Variants in OSBPL7 observed in about 807,000 individuals in gnomAD.
OSBPL7 encodes the protein oxysterol-binding protein-related protein 7.
OSBPL7 carries 66 observed loss-of-function variants against 115.8 expected under a neutral mutation model. The ratio of observed to expected loss-of-function variants is 0.57; its 90% CI spans 0.47 to 0.70. The LOEUF (loss-of-function observed/expected upper bound fraction) is 0.70, where lower values mean the gene tolerates loss of function less well. OSBPL7 is among the 30% of genes least tolerant of loss of function. The pLI, the probability that OSBPL7 is intolerant of heterozygous loss-of-function variation, is 0.00. For missense variants in OSBPL7, 902 were observed against 1,125.5 expected (o/e 0.80, Z 2.84); for synonymous variants, 441 against 439.2 (o/e 1.00, Z -0.05).
chr17:47,808,755 G>GC lies in OSBPL7; in HGVS notation c.2298-96dup. The GC allele has an allele frequency of 1.2e-6, 2 of 1,602,234 alleles. No individual in the cohort carries two copies. The highest frequency in any genetic ancestry group is 1.7e-6 in the Non-Finnish European group (2 of 1,172,622). On this transcript the variant is annotated intron_variant, in intron 21 of 22. Transcript: ENST00000007414. This position sits in a 1 kb window ranked among gnomAD's most constrained non-coding sequence, Gnocchi z 6.1. ...CTGCCCAACTCTGTCCTCTAGACAAGCCCCACTTCTCTGAGGCCACTCAGT... is the reference window on the plus strand; with the variant it reads ...CTGCCCAACTCTGTCCTCTAGACAAGCCCCCACTTCTCTGAGGCCACTCAGT...
In OSBPL7 at chr17:47,808,160, G is replaced by C; in HGVS notation, c.*131C>G. On this transcript the variant is annotated 3_prime_UTR_variant, in exon 23 of 23. Transcript: ENST00000007414. This position sits in a 1 kb window ranked among gnomAD's most constrained non-coding sequence, Gnocchi z 6.1. ...CAGACCCTCTGGCCAGCAGAGGGGA[G>C]GGAGGGCCAGGGCTGCCCCTTTGGT... is the stretch of plus-strand genomic sequence containing the variant. The C allele has an allele frequency of 1.5e-6, 1 of 676,498 alleles. No homozygotes were observed. The highest frequency in any genetic ancestry group is 2.5e-6 in the Non-Finnish European group (1 of 396,124). 41.9% of individuals were successfully genotyped at this position (676,498 alleles called of 1,614,324 possible).
intron 16 of OSBPL7, among the ~76,000 whole-genome samples, chr17:47,812,222 C>A (rs547956423): frequency 6.6e-6 from 1 of 152,196 alleles, no homozygotes; most frequent in Non-Finnish European, 1.5e-5. Context: ...GTCTCGGGAA[C>A]CTTCCTCACG....
At chr17:47,811,612 C>T (rs1170211104) in intron 16 of OSBPL7, among the ~76,000 whole-genome samples, 1 of 152,216 alleles carries the variant, frequency 6.6e-6, no homozygotes, top group African/African-American at 2.4e-5. Flanking sequence ...CCTCACCAAT[C>T]CTCCTCTGAG....
chr17:47,816,035 C>G lies in OSBPL7; in HGVS notation c.1119+72G>C. 4 of 1,397,830 alleles carry G rather than the reference C, an allele frequency of 2.9e-6. No homozygotes were observed. In the South Asian group the frequency reaches 5.5e-5, roughly 19 times the overall value. 86.6% of individuals were successfully genotyped at this position (1,397,830 alleles called of 1,614,324 possible). A position where few individuals can be genotyped will look rare whatever the true frequency, so the allele number is the denominator to read the frequency against. On this transcript the variant is annotated intron_variant, in intron 12 of 22. Transcript: ENST00000007414. This position sits in a 1 kb window ranked among gnomAD's most constrained non-coding sequence, Gnocchi z 5.8. ...ACTAAAAACCAACTTTGCCCACTGC[C>G]CTGGGCCTTGGCTTTCGCTGGGAGA...
intron 1 of OSBPL7, 103 bp downstream of exon 1, chr17:47,821,563 G>T (rs1267602053): frequency 6.6e-6 from 1 of 152,302 alleles, no homozygotes; most frequent in Non-Finnish European, 1.5e-5. Flanking sequence ...GGTGAGCCAG[G>T]TGGGTGCCCC....
intron 12 of OSBPL7, 164 bp downstream of exon 12, chr17:47,815,943 C>G (rs1271911905): frequency 5.1e-6 from 3 of 587,224 alleles, no homozygotes; most frequent in Non-Finnish European, 9.0e-6. Flanking sequence ...ACACAATGAT[C>G]GAGATGGGGC....
intron 18 of OSBPL7, 31 bp from the exon 19 acceptor site, chr17:47,809,509 G>C (rs1413016331): frequency 2.5e-6 from 4 of 1,595,402 alleles, no homozygotes; most frequent in Non-Finnish European, 3.4e-6. Flanking sequence ...AAGGGCAGCT[G>C]GCTGGCCCCA....
chr17:47,816,326 G>A lies in OSBPL7; in HGVS notation c.1023+62C>T. On this transcript the variant is annotated intron_variant, in intron 11 of 22. Coordinates refer to ENST00000007414, the MANE Select transcript of OSBPL7 (RefSeq NM_145798.3). This position sits in a 1 kb window ranked among gnomAD's most constrained non-coding sequence, Gnocchi z 5.8. ...ACCCAGATCTGCTATCGGACCCCAG[G>A]CTGGCAGTCCTCAGCTTGAAGCCCT... is the stretch of plus-strand genomic sequence containing the variant. The A allele has an allele frequency of 2.9e-5, 43 of 1,485,758 alleles. No individual in the cohort carries two copies. Among genetic ancestry groups the A allele is most frequent in the Non-Finnish European group, 3.9e-5 (43 of 1,110,714 alleles). 92.0% of individuals were successfully genotyped at this position (1,485,758 alleles called of 1,614,324 possible). A position where few individuals can be genotyped will look rare whatever the true frequency, so the allele number is the denominator to read the frequency against.
intron 4 of OSBPL7, 134 bp downstream of exon 4, chr17:47,819,595 C>T (rs531740508): frequency 6.6e-6 from 7 of 1,066,724 alleles, no homozygotes; most frequent in East Asian, 2.4e-5. Flanking sequence ...GTAACTTGCC[C>T]GAGATCACAC....
At chr17:47,821,335 A>T (rs2033388271) in intron 1 of OSBPL7, among the ~76,000 whole-genome samples, 1 of 152,186 alleles carries the variant, frequency 6.6e-6, no homozygotes, top group South Asian at 2.1e-4. Flanking sequence ...GGGGACAGGG[A>T]TGTGGCAGGA....
chr17:47,809,151 G>A lies in OSBPL7; in HGVS notation c.2095C>T (p.His699Tyr), dbSNP rs2143518198. 3 of 1,614,168 alleles carry A rather than the reference G, an allele frequency of 1.9e-6. No homozygotes were observed. The highest frequency in any genetic ancestry group is 4.5e-5 in the East Asian group (2 of 44,884). ...TCGTGCCACTTCCCAAAGAGTCGGTGGAGGACACGGCCACTCCGACTGAGC... is the reference window on the plus strand; with the variant it reads ...TCGTGCCACTTCCCAAAGAGTCGGTAGAGGACACGGCCACTCCGACTGAGC... ...AVLSRSGRVL[H>Y]RLFGKWHEGL... The change falls in exon 20 of 23, where the codon CAC becomes TAC. Residue 699 changes from histidine to tyrosine, a missense_variant. Physicochemically the swap from His to Tyr is moderately conservative, Grantham distance 83. Transcript: ENST00000007414.
At chr17:47,812,038 C>CCAAACAAA (rs80046179) in intron 16 of OSBPL7, among the ~76,000 whole-genome samples, 85 of 151,880 alleles carry the variant, frequency 5.6e-4, no homozygotes, top group Admixed American at 1.4e-3. Flanking sequence ...CACTTCAAAT[C>CCAAACAAA]CAAACAAACA....
At position 47,817,325 on chromosome 17, in the gene OSBPL7, T is replaced by C. The variant is rs1235119811; in HGVS notation, c.633A>G (p.Leu211=). 3.1e-6 allele frequency: 5 copies of C among 1,604,824 alleles called. No homozygotes were observed. The South Asian group carries it at 5.6e-5, about 18-fold the overall frequency. Residue 211 remains leucine (L), a synonymous_variant, in exon 8 of 23, where the codon CTA becomes CTG. Coordinates refer to ENST00000007414, the MANE Select transcript of OSBPL7 (RefSeq NM_145798.3). ...ACTCCAGGCTCTGGAGGAGCCTGTGTAGTTCCTGGAGCTTCCCCTGACACT... is the reference window on the plus strand; with the variant it reads ...ACTCCAGGCTCTGGAGGAGCCTGTGCAGTTCCTGGAGCTTCCCCTGACACT... The part of the protein sequence containing the change: ...LSECQGKLQE[L]HRLLQSLESL...
intron 16 of OSBPL7, among the ~76,000 whole-genome samples, chr17:47,812,038 CCAAA>C (rs80046179): frequency 6.6e-6 from 1 of 151,762 alleles, no homozygotes; most frequent in Non-Finnish European, 1.5e-5. Context: ...CACTTCAAAT[CCAAA>C]CAAACAAACA....
Position 47,808,800 on chromosome 17 carries a change from A to G in OSBPL7, c.2297+64T>C. 1 of 1,605,652 alleles carries G rather than the reference A, an allele frequency of 6.2e-7. No homozygotes were observed. Among genetic ancestry groups the G allele is most frequent in the Non-Finnish European group, 8.5e-7 (1 of 1,173,414 alleles). ...CTCAGTGAAGGAAGGACAAAGCCCCAGCTCTGTACTCTGTGGAGGGAGTGA... is the reference window on the plus strand; with the variant it reads ...CTCAGTGAAGGAAGGACAAAGCCCCGGCTCTGTACTCTGTGGAGGGAGTGA... On this transcript the variant is annotated intron_variant, in intron 21 of 22. Coordinates refer to ENST00000007414, the MANE Select transcript of OSBPL7 (RefSeq NM_145798.3). This position sits in a 1 kb window ranked among gnomAD's most constrained non-coding sequence, Gnocchi z 6.1.
At chr17:47,810,015 T>G (rs1439830018) in intron 18 of OSBPL7, among the ~76,000 whole-genome samples, 2 of 151,278 alleles carry the variant, frequency 1.3e-5, no homozygotes, top group Non-Finnish European at 2.9e-5. Context: ...GCCTCCCAGG[T>G]TGAAGCAATT....
In OSBPL7 at chr17:47,807,938, C is replaced by A; in HGVS notation, c.*353G>T. The A allele has an allele frequency of 3.4e-6, 1 of 294,232 alleles. No homozygotes were observed. The highest frequency in any genetic ancestry group is 6.6e-6 in the Non-Finnish European group (1 of 151,594). The allele number at this position is 294,232 out of a possible 1,614,324, so 18.2% of individuals were successfully genotyped here. A position where few individuals can be genotyped will look rare whatever the true frequency, so the allele number is the denominator to read the frequency against. On this transcript the variant is annotated 3_prime_UTR_variant, in exon 23 of 23. Coordinates refer to ENST00000007414, the MANE Select transcript of OSBPL7 (RefSeq NM_145798.3). ...AAGCCTGGGGAGCGTCAAGGAGTCCCCTGTGTCCTAGGAAGGCACTGAAAT... is the reference window on the plus strand; with the variant it reads ...AAGCCTGGGGAGCGTCAAGGAGTCCACTGTGTCCTAGGAAGGCACTGAAAT...
chr17:47,820,349 C>T lies in OSBPL7; in HGVS notation c.-71G>A. On this transcript the variant is annotated 5_prime_UTR_variant, in exon 2 of 23. Coordinates refer to ENST00000007414, the MANE Select transcript of OSBPL7 (RefSeq NM_145798.3). ...CAGGGTGGAAGGGGAAGGATGTCAC[C>T]TGCTCCTGACGGGGTCCTTGAAGCA... The T allele has an allele frequency of 2.0e-6, 3 of 1,464,284 alleles. No individual in the cohort carries two copies. Among genetic ancestry groups the T allele is most frequent in the Admixed American group, 2.0e-5 (1 of 50,070 alleles). The allele number at this position is 1,464,284 out of a possible 1,614,324, so 90.7% of individuals were successfully genotyped here.
chr17:47,820,022 C>T lies in OSBPL7; in HGVS notation c.150G>A (p.Gln50=), dbSNP rs1284513818. The T allele has an allele frequency of 6.2e-7, 1 of 1,611,684 alleles. No homozygotes were observed. Among genetic ancestry groups the T allele is most frequent in the African/African-American group, 1.3e-5 (1 of 74,740 alleles). The change falls in exon 3 of 23, where the codon CAG becomes CAA. Residue 50 remains glutamine, a synonymous_variant. Transcript: ENST00000007414. ...LGTEGVMPER[Q]EGHLLKKRKW... is the part of the protein sequence containing the mutation. ...TCCTCTTCTTGAGCAGGTGACCTTCCTGCCTCTCAGGCATGACACCCTCTG... is the reference window on the plus strand; with the variant it reads ...TCCTCTTCTTGAGCAGGTGACCTTCTTGCCTCTCAGGCATGACACCCTCTG...
Sources: allele counts gnomAD v4.1 joint callset (sites outside exome capture counted in the v4.1 genomes callset), GRCh38; gene constraint gnomAD v4.1.1; non-coding constraint Gnocchi (gnomAD v3.1); transcripts MANE v1.5; gene names NCBI Gene and HGNC (gene_info 2026-07-23, HGNC 2026-07-21).